The following PIK3R3 variants were observed in gnomAD, a reference collection of about 807,000 sequenced individuals.
The protein encoded by PIK3R3 is phosphatidylinositol 3-kinase regulatory subunit gamma.
A neutral mutation model predicts 62.9 loss-of-function variants in PIK3R3; 64 were observed. The observed-to-expected ratio is 1.02, with a 90% confidence interval of 0.83 to 1.25. The LOEUF (loss-of-function observed/expected upper bound fraction) is 1.25, where lower values mean the gene tolerates loss of function less well. Among genes scored for constraint, PIK3R3 ranks in the 50% most tolerant of loss-of-function variants. PIK3R3 has a pLI of 0.00. For missense variants in PIK3R3, 614 were observed against 561.6 expected (o/e 1.09, Z -0.94); for synonymous variants, 165 against 189.0 (o/e 0.87, Z 1.04).
chr1:46,128,049 G>C (rs1321911501), intron 1 of PIK3R3, among the ~76,000 whole-genome samples: 2 of 152,180 alleles, frequency 1.3e-5, no homozygotes, highest in Non-Finnish European at 2.9e-5. Context: ...TTATTGAAAA[G>C]ATAGGCTAGA....
intron 2 of PIK3R3, 30 bp downstream of exon 2, chr1:46,080,612 T>C (rs1377291770): frequency 2.9e-6 from 4 of 1,401,322 alleles, no homozygotes; most frequent in Admixed American, 3.5e-5. Context: ...TTTAAAAAAC[T>C]GCATTCAATT....
intron 6 of PIK3R3, chr1:46,056,438 C>G (rs1291760551): frequency 6.5e-6 from 1 of 153,036 alleles, no homozygotes; most frequent in Non-Finnish European, 1.5e-5. Flanking sequence ...CTGATGTTCC[C>G]TGGAGGTAAG....
intron 1 of PIK3R3, among the ~76,000 whole-genome samples, chr1:46,099,511 T>C (rs944421531): frequency 7.2e-5 from 11 of 152,210 alleles, no homozygotes; most frequent in African/African-American, 9.6e-5. Flanking sequence ...ATGAACTTTA[T>C]ACAGGAGGAA....
chr1:46,124,823 C>T lies in PIK3R3; in HGVS notation c.106+7024G>A, dbSNP rs1224011610. On this transcript the variant is annotated intron_variant, in intron 1 of 9. Transcript: ENST00000262741. ...AAAAAAAAAAAAAAAAAAGGCCGGG[C>T]GTGGTGGCTCACACCTGTAATCCTA... 5.1e-5 allele frequency among the ~76,000 whole-genome samples: 6 copies of T among 117,808 alleles called. No homozygotes were observed. The South Asian group carries it at 1.4e-3, about 27-fold the overall frequency. The allele number at this position is 117,808 out of a possible 152,430, so 77.3% of individuals were successfully genotyped here.
At chr1:46,060,048 C>G (rs1167862764) in intron 6 of PIK3R3, among the ~76,000 whole-genome samples, 2 of 152,052 alleles carry the variant, frequency 1.3e-5, no homozygotes, top group East Asian at 3.9e-4. Flanking sequence ...TGCAGTGAGC[C>G]GAAATCGCAC....
intron 1 of PIK3R3, among the ~76,000 whole-genome samples, chr1:46,106,575 T>C (rs1653225828): frequency 6.6e-6 from 1 of 152,150 alleles, no homozygotes. Flanking sequence ...GAAAAATAAC[T>C]TTAGATAATG....
At chr1:46,104,937 A>G (rs575061612) in intron 1 of PIK3R3, 1 of 520,470 alleles carries the variant, frequency 1.9e-6, no homozygotes, top group South Asian at 2.1e-5. Flanking sequence ...AAAAAAAAAA[A>G]AAAAAAAAAA....
intron 1 of PIK3R3, among the ~76,000 whole-genome samples, chr1:46,094,124 T>C (rs1651899637): frequency 6.6e-6 from 1 of 150,392 alleles, no homozygotes; most frequent in African/African-American, 2.4e-5. Flanking sequence ...AAAACAAACC[T>C]AAAATATTCC....
chr1:46,040,255 A>C lies in PIK3R3; in HGVS notation c.*3418T>G, dbSNP rs560502052. ...AGTATCTCCTCTCGCCTTTCCCCCTACCCTCCCCAACAATTGCACAGCAAT... is the reference window on the plus strand; with the variant it reads ...AGTATCTCCTCTCGCCTTTCCCCCTCCCCTCCCCAACAATTGCACAGCAAT... On this transcript the variant is annotated 3_prime_UTR_variant, in exon 10 of 10. Transcript: ENST00000262741. 7.3e-5 allele frequency: 17 copies of C among 232,684 alleles called. No individual in the cohort carries two copies. In the South Asian group the frequency reaches 2.9e-3, roughly 40 times the overall value. The allele number at this position is 232,684 out of a possible 1,614,324, so 14.4% of individuals were successfully genotyped here.
chr1:46,162,517 C>T, the PIK3R3 span, among the ~76,000 whole-genome samples: 1 of 152,010 alleles, frequency 6.6e-6, no homozygotes, highest in Admixed American at 6.6e-5. Context: ...ACAAAACTGT[C>T]TATGTGGTAT....
intron 1 of PIK3R3, among the ~76,000 whole-genome samples, chr1:46,096,976 AG>A (rs1652195523): frequency 6.6e-6 from 1 of 151,936 alleles, no homozygotes. Flanking sequence ...AACCAGAAAA[AG>A]AAAACAAACA....
At chr1:46,144,842 AGGCTGGGCAC>A in the PIK3R3 span, among the ~76,000 whole-genome samples, 1 of 151,384 alleles carries the variant, frequency 6.6e-6, no homozygotes. Flanking sequence ...GACTGGGTTG[AGGCTGGGCAC>A]GGCGGCTCAT....
chr1:46,151,976 G>GA, the PIK3R3 span, among the ~76,000 whole-genome samples: 285 of 152,300 alleles, frequency 1.9e-3, 2 homozygotes, highest in African/African-American at 6.7e-3. Context: ...TGGCAGCTGG[G>GA]AAAACCCCAA....
At chr1:46,050,394 ATC>A (rs941131198) in intron 7 of PIK3R3, among the ~76,000 whole-genome samples, 3 of 151,900 alleles carry the variant, frequency 2.0e-5, no homozygotes, top group Non-Finnish European at 2.9e-5. Flanking sequence ...GTGAAACCCC[ATC>A]TCTACTAAAA....
chr1:46,053,385 G>T (rs1332941798), intron 7 of PIK3R3, among the ~76,000 whole-genome samples: 1 of 152,052 alleles, frequency 6.6e-6, no homozygotes, highest in Non-Finnish European at 1.5e-5. Context: ...CCAAGGTCTG[G>T]TTTGCCACAT....
At chr1:46,084,965 T>A (rs1326833863) in intron 1 of PIK3R3, among the ~76,000 whole-genome samples, 1 of 152,186 alleles carries the variant, frequency 6.6e-6, no homozygotes, top group Non-Finnish European at 1.5e-5. Context: ...TCTACATCCC[T>A]TCACTGGAGG....
Position 46,053,547 on chromosome 1 carries a change from G to A in PIK3R3, c.941+2248C>T, listed in dbSNP as rs557465030. 8.5e-5 allele frequency among the ~76,000 whole-genome samples: 13 copies of A among 152,164 alleles called. No individual in the cohort carries two copies. In the East Asian group the frequency reaches 2.5e-3, roughly 29 times the overall value. On this transcript the variant is annotated intron_variant, in intron 7 of 9. Transcript: ENST00000262741. ...ATGGAATTAGTGCCCTTATAAAAGA[G>A]GCCTGATAGAGACCCCCTAGCTCCT...
chr1:46,080,523 G>C, intron 2 of PIK3R3, 119 bp downstream of exon 2: 1 of 706,218 alleles, frequency 1.4e-6, no homozygotes. Flanking sequence ...AGCCTCCTGA[G>C]TTGCTGGGAT....
chr1:46,046,029 A>G lies in PIK3R3; in HGVS notation c.1076T>C (p.Phe359Ser). Residue 359 changes from phenylalanine to serine, a missense_variant, in exon 9 of 10, where the codon TTT (phenylalanine) becomes TCT (serine). Physicochemically the swap from Phe to Ser is radical, Grantham distance 155 (BLOSUM62 -2). Coordinates refer to ENST00000262741, the MANE Select transcript of PIK3R3 (RefSeq NM_003629.4). ...TTGTACTCGATTGATATCCTCAACA[A>G]ACCAGGTTTTCTCATCATAATGGGG... ...NLPHYDEKTW[F>S]VEDINRVQAE... 6.2e-7 allele frequency: 1 copy of G among 1,612,338 alleles called. No individual in the cohort carries two copies. The highest frequency in any genetic ancestry group is 8.5e-7 in the Non-Finnish European group (1 of 1,178,596).
Sources: allele counts gnomAD v4.1 joint callset (sites outside exome capture counted in the v4.1 genomes callset), GRCh38; gene constraint gnomAD v4.1.1; transcripts MANE v1.5; gene names NCBI Gene and HGNC (gene_info 2026-07-23, HGNC 2026-07-21).